ITGA8: variants seen among roughly 807,000 people sequenced by gnomAD.
The protein encoded by ITGA8 is integrin alpha-8.
A neutral mutation model predicts 142.3 loss-of-function variants in ITGA8; 91 were observed. The ratio of observed to expected loss-of-function variants is 0.64; its 90% confidence interval spans 0.54 to 0.76. The LOEUF is 0.76. Among genes scored for constraint, ITGA8 ranks in the 30% least tolerant of loss-of-function variants. ITGA8 has a pLI of 0.00. For synonymous variants in ITGA8, 505 were observed against 485.2 expected, an observed-to-expected ratio of 1.04 and a Z score of -0.54; for missense variants, 1,406 against 1,327.7, an observed-to-expected ratio of 1.06 and a Z score of -0.92.
intron 8 of ITGA8, among the ~76,000 whole-genome samples, chr10:15,665,823 T>C (rs1353980359): frequency 2.6e-5 from 4 of 152,190 alleles, no homozygotes; most frequent in Non-Finnish European, 5.9e-5. Flanking sequence ...GATCAGATAG[T>C]TGTAGATATG....
chr10:15,549,728 A>G (rs755482390), intron 26 of ITGA8, among the ~76,000 whole-genome samples: 1 of 152,188 alleles, frequency 6.6e-6, no homozygotes, highest in Non-Finnish European at 1.5e-5. Flanking sequence ...ATATTATGTG[A>G]AGTAGTTGAC....
chr10:15,583,272 C>A (rs2131589531), intron 23 of ITGA8, among the ~76,000 whole-genome samples: 1 of 152,122 alleles, frequency 6.6e-6, no homozygotes, highest in South Asian at 2.1e-4. Flanking sequence ...AACAGAAAAC[C>A]AAACACCACA....
At chr10:15,602,453 T>C (rs1426650133) in intron 20 of ITGA8, among the ~76,000 whole-genome samples, 2 of 152,146 alleles carry the variant, frequency 1.3e-5, no homozygotes, top group African/African-American at 2.4e-5. Flanking sequence ...AATCACATAA[T>C]TGGCGGGGCA....
intron 27 of ITGA8, among the ~76,000 whole-genome samples, chr10:15,533,285 C>T (rs975200592): frequency 1.3e-5 from 2 of 152,144 alleles, no homozygotes; most frequent in African/African-American, 4.8e-5. Context: ...TTTCTTTCTA[C>T]TCCTACCCTC....
chr10:15,581,535 G>T (rs1834406325), intron 23 of ITGA8, among the ~76,000 whole-genome samples: 1 of 152,084 alleles, frequency 6.6e-6, no homozygotes, highest in African/African-American at 2.4e-5. Flanking sequence ...GTGGTTTTGG[G>T]AATCACCTGA....
At chr10:15,598,644 C>T (rs993162088) in intron 20 of ITGA8, among the ~76,000 whole-genome samples, 9 of 152,142 alleles carry the variant, frequency 5.9e-5, no homozygotes, top group African/African-American at 1.9e-4. Context: ...GTAGAGGCAG[C>T]TGACACTTTC....
intron 23 of ITGA8, among the ~76,000 whole-genome samples, chr10:15,579,441 G>T (rs1368320476): frequency 6.6e-6 from 1 of 151,966 alleles, no homozygotes; most frequent in Non-Finnish European, 1.5e-5. Flanking sequence ...GCCATTAGCT[G>T]TCTTGGATTT....
chr10:15,532,454 G>A lies in ITGA8; in HGVS notation c.2881-1303C>T, dbSNP rs369535737. ...AAAAAAAAAAAAAAAAAAGCCTCTA[G>A]TTACAGCCAGTTGTCCCCAGGGGAA... On this transcript the variant is annotated intron_variant, in intron 27 of 29. Transcript: ENST00000378076. 5.8e-4 allele frequency among the ~76,000 whole-genome samples: 60 copies of A among 103,940 alleles called. 1 individual carries two copies. Among genetic ancestry groups the A allele is most frequent in the African/African-American group, 2.4e-3 (56 of 23,618 alleles). The allele number at this position is 103,940 out of a possible 152,430, so 68.2% of individuals were successfully genotyped here.
At chr10:15,683,661 G>T (rs1185765047) in intron 4 of ITGA8, among the ~76,000 whole-genome samples, 3 of 152,182 alleles carry the variant, frequency 2.0e-5, no homozygotes, top group Non-Finnish European at 4.4e-5. Flanking sequence ...CACCGTTTTG[G>T]CAATAAACAA....
intron 13 of ITGA8, among the ~76,000 whole-genome samples, chr10:15,632,414 G>A (rs564690994): frequency 1.2e-4 from 19 of 152,106 alleles, no homozygotes; most frequent in Non-Finnish European, 2.5e-4. Context: ...TTATGTTATC[G>A]GACTTGAAAA....
At chr10:15,592,328 C>T (rs376376932) in intron 21 of ITGA8, 24 bp from the exon 22 acceptor site, 29 of 1,535,778 alleles carry the variant, frequency 1.9e-5, no homozygotes, top group Non-Finnish European at 2.4e-5. Context: ...TAAAATCACA[C>T]AAGAGTAGCT....
chr10:15,608,401 T>TCA (rs1833236353), intron 15 of ITGA8, 111 bp from the exon 16 acceptor site: 1 of 550,852 alleles, frequency 1.8e-6, no homozygotes, highest in Non-Finnish European at 3.1e-6. Context: ...ATATTTCTAA[T>TCA]TACACACACA....
At chr10:15,706,912 C>A (rs1487969087) in intron 2 of ITGA8, among the ~76,000 whole-genome samples, 3 of 152,288 alleles carry the variant, frequency 2.0e-5, no homozygotes, top group Middle Eastern at 6.8e-3. Context: ...ATCACTCTTG[C>A]CCCGATTTGC....
chr10:15,653,831 C>CTTTTT (rs111283505), intron 11 of ITGA8, among the ~76,000 whole-genome samples: 1 of 130,036 alleles, frequency 7.7e-6, no homozygotes, highest in Non-Finnish European at 1.7e-5. Flanking sequence ...TTTCTTTTTT[C>CTTTTT]TTTTTTTTTT....
At position 15,657,509 on chromosome 10, in the gene ITGA8, C is replaced by CTTTCT. The variant is rs534714654; in HGVS notation, c.948+1489_948+1490insAGAAA. The stretch of plus-strand genomic sequence containing the variant: ...CTGCTGGTTTCTTTTTCTTTTCTTT[C>CTTTCT]ATTTTTTTTTTTTTTTTTTTTTAAC... On this transcript the variant is annotated intron_variant, in intron 10 of 29. Transcript: ENST00000378076. 6.9e-5 allele frequency among the ~76,000 whole-genome samples: 8 copies of CTTTCT among 116,500 alleles called. No homozygotes were observed. In the East Asian group the frequency reaches 7.1e-4, roughly 10 times the overall value. The allele number at this position is 116,500 out of a possible 152,430, so 76.4% of individuals were successfully genotyped here. A position where few individuals can be genotyped will look rare whatever the true frequency, so the allele number is the denominator to read the frequency against.
intron 26 of ITGA8, 31 bp from the exon 27 acceptor site, chr10:15,548,599 C>A: frequency 1.4e-6 from 2 of 1,423,634 alleles, no homozygotes; most frequent in East Asian, 2.3e-5. Flanking sequence ...ACGTCAGAGT[C>A]TTTAAATCAT....
At chr10:15,652,945 C>A (rs1274308449) in intron 11 of ITGA8, among the ~76,000 whole-genome samples, 1 of 152,178 alleles carries the variant, frequency 6.6e-6, no homozygotes, top group Non-Finnish European at 1.5e-5. Flanking sequence ...ACCTGGAATC[C>A]CCATGGCTCA....
At chr10:15,692,688 A>G (rs2131714471) in intron 2 of ITGA8, among the ~76,000 whole-genome samples, 1 of 152,344 alleles carries the variant, frequency 6.6e-6, no homozygotes, top group Middle Eastern at 3.4e-3. Context: ...ACACAATTGT[A>G]CATACACTTT....
chr10:15,588,370 C>T (rs1302053496), intron 22 of ITGA8, among the ~76,000 whole-genome samples: 1 of 152,132 alleles, frequency 6.6e-6, no homozygotes, highest in Non-Finnish European at 1.5e-5. Context: ...AACCCATGAC[C>T]GAGCTTAAGG....
Sources: allele counts gnomAD v4.1 joint callset (sites outside exome capture counted in the v4.1 genomes callset), GRCh38; gene constraint gnomAD v4.1.1; transcripts MANE v1.5; gene names NCBI Gene and HGNC (gene_info 2026-07-23, HGNC 2026-07-21).